The following PDE4D variants were observed in gnomAD, a reference collection of about 807,000 sequenced individuals.
The protein encoded by PDE4D is phosphodiesterase 4D, also known as 3',5'-cyclic-AMP phosphodiesterase 4D.
Under a neutral mutation model 87.4 loss-of-function variants are expected in PDE4D, and 24 were observed. That is an observed-to-expected ratio of 0.27 (90% CI 0.20 to 0.39). The LOEUF is 0.39. Among genes scored for constraint, PDE4D ranks in the 10% least tolerant of loss-of-function variants. The pLI is 1.00. For synonymous variants in PDE4D, 384 were observed against 383.2 expected, an observed-to-expected ratio of 1.00 and a Z score of -0.02; for missense variants, 714 against 1,041.0, an observed-to-expected ratio of 0.69 and a Z score of 4.32.
At chr5:59,437,041 A>G (rs1796893730) in intron 1 of PDE4D, among the ~76,000 whole-genome samples, 1 of 152,216 alleles carries the variant, frequency 6.6e-6, no homozygotes, top group Non-Finnish European at 1.5e-5. Flanking sequence ...CAATTCTCCC[A>G]TCCAACAAAA....
intron 1 of PDE4D, among the ~76,000 whole-genome samples, chr5:60,469,575 T>G (rs1045958150): frequency 2.0e-5 from 3 of 152,214 alleles, no homozygotes; most frequent in African/African-American, 4.8e-5. Flanking sequence ...CAACCCTGGT[T>G]GAGCAAGTCT....
At chr5:59,874,613 A>C (rs1027159841) in intron 1 of PDE4D, among the ~76,000 whole-genome samples, 1 of 152,216 alleles carries the variant, frequency 6.6e-6, no homozygotes, top group African/African-American at 2.4e-5. Flanking sequence ...ATACAAAGTA[A>C]TATTATATGT....
intron 3 of PDE4D, among the ~76,000 whole-genome samples, chr5:59,940,426 A>G (rs1418827418): frequency 6.6e-6 from 1 of 152,160 alleles, no homozygotes; most frequent in Non-Finnish European, 1.5e-5. Flanking sequence ...ATGGCAGATT[A>G]CACTACAGTA....
chr5:60,341,910 G>A (rs575139219), intron 1 of PDE4D, among the ~76,000 whole-genome samples: 1 of 152,240 alleles, frequency 6.6e-6, no homozygotes, highest in East Asian at 1.9e-4. Flanking sequence ...AGGCAAAGAA[G>A]AGCAATAAGC....
chr5:59,662,597 T>C (rs1342412754), intron 1 of PDE4D, among the ~76,000 whole-genome samples: 1 of 152,206 alleles, frequency 6.6e-6, no homozygotes, highest in Non-Finnish European at 1.5e-5. Context: ...TTAAAAAAGT[T>C]ACATAAATTC....
intron 1 of PDE4D, among the ~76,000 whole-genome samples, chr5:59,432,392 T>A (rs1168387826): frequency 6.6e-6 from 1 of 152,154 alleles, no homozygotes; most frequent in Non-Finnish European, 1.5e-5. Flanking sequence ...AGTCCTTTAT[T>A]GACGGACATA....
At chr5:59,864,885 T>G (rs544160762) in intron 1 of PDE4D, among the ~76,000 whole-genome samples, 18 of 152,258 alleles carry the variant, frequency 1.2e-4, no homozygotes, top group African/African-American at 4.3e-4. Flanking sequence ...GGTTCCCCAG[T>G]GGACCTACTC....
chr5:59,311,609 T>TG (rs1299716701), intron 1 of PDE4D, among the ~76,000 whole-genome samples: 1 of 151,476 alleles, frequency 6.6e-6, no homozygotes, highest in African/African-American at 2.4e-5. Context: ...TAGATAACGG[T>TG]GTCTCCATAC....
intron 1 of PDE4D, among the ~76,000 whole-genome samples, chr5:59,617,300 T>C (rs1236410568): frequency 1.3e-5 from 2 of 152,036 alleles, no homozygotes; most frequent in African/African-American, 4.8e-5. Context: ...TTCTCTTCCA[T>C]GGCAACCACA....
intron 5 of PDE4D, among the ~76,000 whole-genome samples, chr5:59,135,193 G>C (rs1454767869): frequency 6.6e-6 from 1 of 152,198 alleles, no homozygotes; most frequent in Non-Finnish European, 1.5e-5. Flanking sequence ...GGTCTGAGGA[G>C]AGTAGATGTG....
chr5:59,660,529 A>G (rs930527843), intron 1 of PDE4D, among the ~76,000 whole-genome samples: 11 of 152,110 alleles, frequency 7.2e-5, no homozygotes, highest in African/African-American at 2.7e-4. Context: ...GAGCCACCTG[A>G]CTACAGTTAC....
At chr5:60,211,386 A>T (rs1053682448) in intron 1 of PDE4D, among the ~76,000 whole-genome samples, 3 of 151,194 alleles carry the variant, frequency 2.0e-5, no homozygotes, top group African/African-American at 7.3e-5. Context: ...ACGGGTCCAG[A>T]TCCCATTTCA....
intron 6 of PDE4D, among the ~76,000 whole-genome samples, chr5:58,994,810 T>C (rs2153346326): frequency 6.6e-6 from 1 of 152,208 alleles, no homozygotes; most frequent in South Asian, 2.1e-4. Context: ...ACCATTTCAA[T>C]GGACTGTTGG....
intron 1 of PDE4D, among the ~76,000 whole-genome samples, chr5:60,406,082 C>T (rs898772000): frequency 2.0e-5 from 3 of 151,908 alleles, no homozygotes; most frequent in Admixed American, 2.0e-4. Flanking sequence ...CCATTCTCAT[C>T]ATTGGAAAAA....
At chr5:60,099,598 G>T (rs908076612) in intron 2 of PDE4D, among the ~76,000 whole-genome samples, 4 of 151,648 alleles carry the variant, frequency 2.6e-5, no homozygotes, top group Non-Finnish European at 5.9e-5. Flanking sequence ...AGGAAATACG[G>T]TTTACCGAGA....
chr5:59,753,136 A>C (rs1760728634), intron 1 of PDE4D, among the ~76,000 whole-genome samples: 1 of 152,196 alleles, frequency 6.6e-6, no homozygotes, highest in South Asian at 2.1e-4. Context: ...GATAGTGGAC[A>C]ATCAAAGCAG....
chr5:59,465,357 C>A (rs2153648525), intron 1 of PDE4D, among the ~76,000 whole-genome samples: 1 of 152,248 alleles, frequency 6.6e-6, no homozygotes, highest in South Asian at 2.1e-4. Flanking sequence ...ACTTTTGGAA[C>A]ACATATCCAT....
At chr5:59,054,079 C>T (rs1761994121) in intron 5 of PDE4D, among the ~76,000 whole-genome samples, 1 of 151,966 alleles carries the variant, frequency 6.6e-6, no homozygotes, top group Non-Finnish European at 1.5e-5. Context: ...TTTCAATTGG[C>T]ATATTTTGTT....
intron 5 of PDE4D, chr5:59,039,626 C>T (rs1317857085): frequency 1.9e-6 from 1 of 524,352 alleles, no homozygotes; most frequent in African/African-American, 2.1e-5. Context: ...CGCTGCCTGG[C>T]TCCTCCTCAA....
Sources: allele counts gnomAD v4.1 joint callset (sites outside exome capture counted in the v4.1 genomes callset), GRCh38; gene constraint gnomAD v4.1.1; transcripts MANE v1.5; gene names NCBI Gene and HGNC (gene_info 2026-07-23, HGNC 2026-07-21).